The following AFG1L variants were observed in gnomAD, a reference collection of about 807,000 sequenced individuals.
AFG1L encodes the protein AFG1 like ATPase.
AFG1L carries 53 observed loss-of-function variants against 62.2 expected under a neutral mutation model. That is an observed-to-expected ratio of 0.85 (90% CI 0.68 to 1.07). The LOEUF is 1.07. Among genes scored for constraint, AFG1L ranks in the 50% least tolerant of loss-of-function variants. AFG1L has a pLI of 0.00. For synonymous variants in AFG1L, 228 were observed against 210.3 expected (o/e 1.08, Z -0.73); for missense variants, 555 against 590.5 (o/e 0.94, Z 0.62).
intron 11 of AFG1L, among the ~76,000 whole-genome samples, chr6:108,515,300 T>C (rs189521898): frequency 6.6e-6 from 1 of 152,234 alleles, no homozygotes; most frequent in Admixed American, 6.5e-5. Context: ...ACAAACTGTC[T>C]CTCAGACCAC....
At chr6:108,326,673 T>C (rs1778056002) in intron 2 of AFG1L, among the ~76,000 whole-genome samples, 1 of 151,884 alleles carries the variant, frequency 6.6e-6, no homozygotes, top group Admixed American at 6.6e-5. Flanking sequence ...TAAAAATGAA[T>C]GAGGGGCCAG....
chr6:108,364,886 A>G (rs1428711595), intron 5 of AFG1L, among the ~76,000 whole-genome samples: 2 of 149,716 alleles, frequency 1.3e-5, no homozygotes, highest in Non-Finnish European at 3.0e-5. Context: ...AAAAAAAAAA[A>G]GTACATCTCT....
chr6:108,413,777 A>T (rs1222215380), intron 7 of AFG1L, among the ~76,000 whole-genome samples: 1 of 152,214 alleles, frequency 6.6e-6, no homozygotes, highest in Non-Finnish European at 1.5e-5. Context: ...CAGTGTGTAG[A>T]GGCAAATTTA....
rs17069483 is a variant in AFG1L at position 108,313,158 on chromosome 6, C to T, written c.140-10667C>T. ...ACGTTATCATGATTTAGAGCTGAAA[C>T]GGTGGAGTCAGGTGAGGAATCTGGA... is the stretch of plus-strand genomic sequence containing the variant. On this transcript the variant is annotated intron_variant, in intron 1 of 12. Coordinates refer to ENST00000368977, the MANE Select transcript of AFG1L (RefSeq NM_145315.5). 5.1e-3 allele frequency among the ~76,000 whole-genome samples: 772 copies of T among 152,224 alleles called. 4 individuals carry two copies. The highest frequency in any genetic ancestry group is 0.018 in the African/African-American group (744 of 41,532).
chr6:108,308,637 C>G (rs1216293613), intron 1 of AFG1L, among the ~76,000 whole-genome samples: 1 of 151,936 alleles, frequency 6.6e-6, no homozygotes, highest in Non-Finnish European at 1.5e-5. Context: ...TTTTAGCTTT[C>G]CAAGTAGCTA....
At chr6:108,377,319 TG>T (rs1312007213) in intron 6 of AFG1L, among the ~76,000 whole-genome samples, 1 of 152,176 alleles carries the variant, frequency 6.6e-6, no homozygotes, top group Non-Finnish European at 1.5e-5. Context: ...TAGTTTCTAT[TG>T]TTTTTTTCTT....
chr6:108,359,666 G>C (rs749539139), intron 5 of AFG1L: 2 of 152,280 alleles, frequency 1.3e-5, no homozygotes, highest in Admixed American at 1.3e-4. Flanking sequence ...CCTTGGACTT[G>C]TATGGTGTGG....
At chr6:108,381,997 G>GTCT (rs1780553106) in intron 6 of AFG1L, among the ~76,000 whole-genome samples, 1 of 118,328 alleles carries the variant, frequency 8.5e-6, no homozygotes, top group Admixed American at 8.9e-5. Flanking sequence ...TTTATTCACT[G>GTCT]TTTTTTTTTT....
At chr6:108,496,917 C>G (rs1459357852) in intron 10 of AFG1L, among the ~76,000 whole-genome samples, 1 of 152,144 alleles carries the variant, frequency 6.6e-6, no homozygotes, top group Non-Finnish European at 1.5e-5. Flanking sequence ...GTTTCCATAT[C>G]ATAAAATATT....
chr6:108,444,524 AAAT>A (rs371020374), intron 7 of AFG1L, among the ~76,000 whole-genome samples: 1 of 152,208 alleles, frequency 6.6e-6, no homozygotes, highest in African/African-American at 2.4e-5. Flanking sequence ...TGTATTTCTT[AAAT>A]AATAATACTT....
intron 6 of AFG1L, 128 bp from the exon 7 acceptor site, chr6:108,401,868 G>A (rs1283947323): frequency 3.8e-6 from 2 of 521,386 alleles, no homozygotes; most frequent in Non-Finnish European, 6.8e-6. Context: ...ATCAATTTTG[G>A]TCTTTTTTTC....
At chr6:108,380,354 G>T (rs940727520) in intron 6 of AFG1L, among the ~76,000 whole-genome samples, 1 of 152,154 alleles carries the variant, frequency 6.6e-6, no homozygotes, top group Non-Finnish European at 1.5e-5. Flanking sequence ...GCCTGGGGTT[G>T]GAAGAGAGAG....
At chr6:108,479,339 A>AT (rs541403392) in intron 10 of AFG1L, among the ~76,000 whole-genome samples, 30 of 149,786 alleles carry the variant, frequency 2.0e-4, no homozygotes, top group African/African-American at 3.2e-4. Flanking sequence ...TTATTTGTTG[A>AT]TTTTTTTTTT....
rs766804964 is a variant in AFG1L at position 108,295,066 on chromosome 6, G to A, written c.-14G>A. The A allele has an allele frequency of 9.3e-6, 15 of 1,610,164 alleles. No homozygotes were observed. In the South Asian group the frequency reaches 1.5e-4, roughly 17 times the overall value. On this transcript the variant is annotated 5_prime_UTR_variant, in exon 1 of 13. Coordinates refer to ENST00000368977, the MANE Select transcript of AFG1L (RefSeq NM_145315.5). The stretch of plus-strand genomic sequence containing the variant: ...ATAAAGTTTTCCTCTTCCTCTCCTC[G>A]TACGGAGTTCAAGATGGCGGCCTCC...
rs746008931 is a variant in AFG1L at position 108,323,987 on chromosome 6, T to G, written c.302T>G (p.Leu101Trp). 3.7e-6 allele frequency: 6 copies of G among 1,614,092 alleles called. No homozygotes were observed. In the South Asian group the frequency reaches 6.6e-5, roughly 18 times the overall value. ...CATCAAAGAAGAGTCATACAGTGTT[T>G]GCAGAAATTACACGAGGACCTTAAA... is the stretch of plus-strand genomic sequence containing the variant. ...DEHQRRVIQC[L>W]QKLHEDLKGY... The change falls in exon 2 of 13, where the codon TTG (leucine) becomes TGG (tryptophan). Residue 101 changes from leucine (L) to tryptophan (W), a missense_variant. By Grantham distance (61) the Leu-to-Trp change is moderately conservative. Coordinates refer to ENST00000368977, the MANE Select transcript of AFG1L (RefSeq NM_145315.5).
In AFG1L at chr6:108,399,113, C is replaced by T. The variant is rs564830883; in HGVS notation, c.749-2883C>T. Reference sequence around the variant, plus strand: ...AGCTTTCCATTTTTGTGTTTGTGCCCTCTTTAATTTCTTTCATCAGTGTTT... The same window carrying T: ...AGCTTTCCATTTTTGTGTTTGTGCCTTCTTTAATTTCTTTCATCAGTGTTT... On this transcript the variant is annotated intron_variant, in intron 6 of 12. Transcript: ENST00000368977. Among the ~76,000 whole-genome samples the T allele has an allele frequency of 6.6e-5, 10 of 150,608 alleles. No homozygotes were observed. In the South Asian group the frequency reaches 2.1e-3, roughly 32 times the overall value.
At chr6:108,469,944 GA>G (rs1291919479) in intron 8 of AFG1L, among the ~76,000 whole-genome samples, 1 of 152,122 alleles carries the variant, frequency 6.6e-6, no homozygotes, top group Non-Finnish European at 1.5e-5. Flanking sequence ...TGGAAGGAGA[GA>G]ATCTAAGGAA....
At chr6:108,508,468 G>A (rs1774509646) in intron 10 of AFG1L, among the ~76,000 whole-genome samples, 1 of 152,176 alleles carries the variant, frequency 6.6e-6, no homozygotes, top group Admixed American at 6.5e-5. Context: ...CCTCCTGGCT[G>A]CCATTTGTTA....
chr6:108,422,381 C>A (rs1221569265), intron 7 of AFG1L, among the ~76,000 whole-genome samples: 2 of 143,312 alleles, frequency 1.4e-5, no homozygotes, highest in Non-Finnish European at 3.0e-5. Context: ...AGCACTGAAA[C>A]AATAAGTCAC....
Sources: allele counts gnomAD v4.1 joint callset (sites outside exome capture counted in the v4.1 genomes callset), GRCh38; gene constraint gnomAD v4.1.1; transcripts MANE v1.5; gene names NCBI Gene and HGNC (gene_info 2026-07-23, HGNC 2026-07-21).